BRCA2: variants seen among roughly 807,000 people sequenced by gnomAD.
BRCA2 encodes the protein breast cancer type 2 susceptibility protein.
In BRCA2, 203 loss-of-function variants were observed where a neutral mutation model predicts 276.7. That is an observed-to-expected ratio of 0.73 (90% CI 0.65 to 0.82). The LOEUF (loss-of-function observed/expected upper bound fraction) is 0.82. Among genes scored for constraint, BRCA2 ranks in the 40% least tolerant of loss-of-function variants. BRCA2 has a pLI of 0.00. For synonymous variants in BRCA2, 1,289 were observed against 1,338.4 expected, an observed-to-expected ratio of 0.96 and a Z score of 0.81; for missense variants, 3,920 against 3,915.0, an observed-to-expected ratio of 1.00 and a Z score of -0.03.
At chr13:32,386,899 G>A (rs897128302) in intron 24 of BRCA2, among the ~76,000 whole-genome samples, 1 of 152,222 alleles carries the variant, frequency 6.6e-6, no homozygotes, top group African/African-American at 2.4e-5. Flanking sequence ...TTTTCTCACA[G>A]TTCTGGAGGC....
rs80358389 is a variant in BRCA2, at chr13:32,398,589, A to G, written c.10076A>G (p.Glu3359Gly). The G allele has an allele frequency of 6.8e-6, 11 of 1,614,072 alleles. No homozygotes were observed. The highest frequency in any genetic ancestry group is 9.3e-6 in the Non-Finnish European group (11 of 1,180,028). ...TQALLSGSTG[E>G]KQFISVSEST... ...GCTCTTTTGTCTGGTTCAACAGGAG[A>G]AAAACAATTTATATCTGTCAGTGAA... is the stretch of plus-strand genomic sequence containing the variant. The change falls in exon 27 of 27, where the codon GAA becomes GGA. Residue 3359 changes from glutamate to glycine, a missense_variant. Glu to Gly is a moderately conservative substitution (Grantham distance 98). Transcript: ENST00000380152.
chr13:32,380,195 T>G, intron 24 of BRCA2, 50 bp downstream of exon 24: 2 of 1,554,692 alleles, frequency 1.3e-6, no homozygotes, highest in African/African-American at 2.8e-5. Context: ...TAAAAAACAT[T>G]GTCTTTTAAA....
Position 32,337,521 on chromosome 13 carries a change from CAAAAG to C in BRCA2, c.3170_3174del (p.Lys1057ThrfsTer8), listed in dbSNP as rs80359373. 5 of 1,607,714 alleles carry C rather than the reference CAAAAG, an allele frequency of 3.1e-6. No homozygotes were observed. The highest frequency in any genetic ancestry group is 4.2e-6 in the Non-Finnish European group (5 of 1,176,716). On this transcript the variant is annotated frameshift_variant, in exon 11 of 27. Transcript: ENST00000380152. LOFTEE classifies it high-confidence loss of function. ...TGTAAATACCTTGGCATTAGATAAT[CAAAAG>C]AAACTGAGCAAGCCTCAGTCAATTA...
chr13:32,396,277 C>A (rs2073036690), intron 25 of BRCA2, among the ~76,000 whole-genome samples: 1 of 152,052 alleles, frequency 6.6e-6, no homozygotes, highest in African/African-American at 2.4e-5. Context: ...CCCGCATTTT[C>A]TCTGAGACGT....
rs1566233377 is a variant in BRCA2, at chr13:32,340,233, T to G, written c.5878T>G (p.Cys1960Gly). 2 of 1,613,996 alleles carry G rather than the reference T, an allele frequency of 1.2e-6. No individual in the cohort carries two copies. The highest frequency in any genetic ancestry group is 2.2e-5 in the South Asian group (2 of 91,078). The change falls in exon 11 of 27, where the codon TGT becomes GGT. Residue 1960 changes from cysteine to glycine, a missense_variant. Physicochemically the swap from Cys to Gly is radical, Grantham distance 159 (BLOSUM62 -3). Around this residue, in one of 2 missense-constraint regions of BRCA2, gnomAD observed 3,263 missense variants for 3,156.9 expected, o/e 1.03. Transcript: ENST00000380152. ...TTTGGAAACTTCAGATATATGTAAA[T>G]GTAGTATAGGGAAGCTTCATAAGTC... is the stretch of plus-strand genomic sequence containing the variant. ...VSLETSDICK[C>G]SIGKLHKSVS...
chr13:32,368,579 C>T lies in BRCA2; in HGVS notation c.8332-1823C>T, dbSNP rs2072803656. 4.0e-5 allele frequency among the ~76,000 whole-genome samples: 6 copies of T among 150,830 alleles called. No individual in the cohort carries two copies. In the South Asian group the frequency reaches 1.3e-3, roughly 32 times the overall value. The stretch of plus-strand genomic sequence containing the variant: ...TGAGTCTCTCTGGTTAGAGACTTTC[C>T]TCAATGGTGATCATTCACTGATCCA... On this transcript the variant is annotated intron_variant, in intron 18 of 26. Transcript: ENST00000380152.
At chr13:32,386,759 A>T (rs73173006) in intron 24 of BRCA2, among the ~76,000 whole-genome samples, 2 of 152,296 alleles carry the variant, frequency 1.3e-5, no homozygotes, top group East Asian at 3.9e-4. Flanking sequence ...GTTTCTATTC[A>T]TGATACAGTA....
chr13:32,371,709 A>G (rs535130594), intron 20 of BRCA2, among the ~76,000 whole-genome samples: 185 of 152,306 alleles, frequency 1.2e-3, no homozygotes, highest in African/African-American at 4.3e-3. Flanking sequence ...TGAATATGAA[A>G]TCATTCACAG....
chr13:32,333,062 C>T lies in BRCA2; in HGVS notation c.1584C>T (p.Asn528=), dbSNP rs730881587. ...TTTCAGGTCATATGACTGATCCAAA[C>T]TTTAAAAAAGAAACTGAAGCCTCTG... ...ASFSGHMTDP[N]FKKETEASES... is the part of the protein sequence containing the mutation. The change falls in exon 10 of 27, where the codon AAC becomes AAT. Residue 528 remains asparagine (N), a synonymous_variant. Coordinates refer to ENST00000380152, the MANE Select transcript of BRCA2 (RefSeq NM_000059.4). 1.4e-5 allele frequency: 22 copies of T among 1,609,934 alleles called. No individual in the cohort carries two copies. Among genetic ancestry groups the T allele is most frequent in the Non-Finnish European group, 1.8e-5 (21 of 1,179,190 alleles).
At chr13:32,321,818 C>T (rs2072308042) in intron 3 of BRCA2, among the ~76,000 whole-genome samples, 1 of 152,300 alleles carries the variant, frequency 6.6e-6, no homozygotes, top group South Asian at 2.1e-4. Flanking sequence ...GCAGTCCTTC[C>T]TTTTGCATTA....
At position 32,332,853 on chromosome 13, in the gene BRCA2, T is replaced by A. The variant is rs80358426; in HGVS notation, c.1375T>A (p.Leu459Ile). 1 of 1,611,904 alleles carries A rather than the reference T, an allele frequency of 6.2e-7. No individual in the cohort carries two copies. Among genetic ancestry groups the A allele is most frequent in the Non-Finnish European group, 8.5e-7 (1 of 1,179,526 alleles). ...ISSLPKSEKP[L>I]NEETVVNKRD... is the part of the protein sequence containing the mutation. ...TAGCCTACCAAAATCAGAGAAGCCATTAAATGAGGAAACAGTGGTAAATAA... is the reference window on the plus strand; with the variant it reads ...TAGCCTACCAAAATCAGAGAAGCCAATAAATGAGGAAACAGTGGTAAATAA... Residue 459 changes from leucine to isoleucine, a missense_variant, in exon 10 of 27, where the codon TTA (leucine) becomes ATA (isoleucine). By Grantham distance (5) the Leu-to-Ile change is conservative. Around this residue, in one of 2 missense-constraint regions of BRCA2, gnomAD observed 3,263 missense variants for 3,156.9 expected, o/e 1.03. Transcript: ENST00000380152.
At chr13:32,346,800 A>G in intron 12 of BRCA2, 27 bp from the exon 13 acceptor site, 1 of 1,550,692 alleles carries the variant, frequency 6.4e-7, no homozygotes, top group Non-Finnish European at 8.8e-7. Context: ...TTTAACTAAT[A>G]TGTAATATAA....
Position 32,374,887 on chromosome 13 carries a change from T to C in BRCA2, c.8633-1783T>C, listed in dbSNP as rs1209928146. Among the ~76,000 whole-genome samples, 4 of 152,222 alleles carry C rather than the reference T, an allele frequency of 2.6e-5. No individual in the cohort carries two copies. In the South Asian group the frequency reaches 6.2e-4, roughly 24 times the overall value. On this transcript the variant is annotated intron_variant, in intron 20 of 26. Coordinates refer to ENST00000380152, the MANE Select transcript of BRCA2 (RefSeq NM_000059.4). ...TCCTGGTAACAATTATCTGTATTAGTTCATCCTCATACTGCTATAAAAAAT... is the reference window on the plus strand; with the variant it reads ...TCCTGGTAACAATTATCTGTATTAGCTCATCCTCATACTGCTATAAAAAAT...
chr13:32,368,810 G>GTTT (rs796341976), intron 18 of BRCA2, among the ~76,000 whole-genome samples: 8 of 138,896 alleles, frequency 5.8e-5, no homozygotes, highest in South Asian at 2.3e-4. Flanking sequence ...TTTTTTTTTG[G>GTTT]TTTTTTTTGT....
At chr13:32,397,187 G>C (rs2073043122) in intron 26 of BRCA2, 143 bp downstream of exon 26, 1 of 938,514 alleles carries the variant, frequency 1.1e-6, no homozygotes, top group African/African-American at 1.7e-5. Flanking sequence ...TGTAAGTATA[G>C]TTATTTAGAA....
rs2073024132 is a variant in BRCA2, at chr13:32,394,855, A to T, written c.9423A>T (p.Gly3141=). 1 of 1,614,000 alleles carries T rather than the reference A, an allele frequency of 6.2e-7. No homozygotes were observed. Among genetic ancestry groups the T allele is most frequent in the Non-Finnish European group, 8.5e-7 (1 of 1,179,996 alleles). ...CAGGCCTTCTTACTTTATTTGCTGG[A>T]GATTTTTCTGTGTTTTCTGCTAGTC... ...SKSGLLTLFA[G]DFSVFSASPK... The change falls in exon 25 of 27, where the codon GGA becomes GGT. Residue 3141 remains glycine (G), a synonymous_variant. Transcript: ENST00000380152.
At chr13:32,366,427 C>G (rs2072782714) in intron 18 of BRCA2, among the ~76,000 whole-genome samples, 1 of 152,076 alleles carries the variant, frequency 6.6e-6, no homozygotes, top group Admixed American at 6.6e-5. Flanking sequence ...ATCTTTTTAT[C>G]AGAGAAAGGT....
rs1060504607 is a variant in BRCA2, at chr13:32,398,608, C to T, written c.10095C>T (p.Val3365=). 8 of 1,614,162 alleles carry T rather than the reference C, an allele frequency of 5.0e-6. No homozygotes were observed. Among genetic ancestry groups the T allele is most frequent in the Non-Finnish European group, 6.8e-6 (8 of 1,180,030 alleles). ...CAGGAGAAAAACAATTTATATCTGT[C>T]AGTGAATCCACTAGGACTGCTCCCA... ...GSTGEKQFIS[V]SESTRTAPTS... is the part of the protein sequence containing the mutation. The change falls in exon 27 of 27, where the codon GTC becomes GTT. Residue 3365 remains valine (V), a synonymous_variant. Transcript: ENST00000380152.
intron 15 of BRCA2, 36 bp downstream of exon 15, chr13:32,356,645 A>T (rs2137563943): frequency 6.2e-7 from 1 of 1,601,376 alleles, no homozygotes; most frequent in Non-Finnish European, 8.6e-7. Flanking sequence ...GGCTTTTATG[A>T]CAGAGTGTAA....
Sources: gnomAD v4.1 joint callset for allele counts (sites outside exome capture counted in the v4.1 genomes callset) on GRCh38, gnomAD v4.1.1 for gene constraint, gnomAD v4.1.1 regional missense constraint, MANE v1.5 for transcripts, NCBI Gene and HGNC (gene_info 2026-07-23, HGNC 2026-07-21) for gene names.